Variants in RABGAP1L observed in about 807,000 individuals in gnomAD.
RABGAP1L encodes the protein RAB GTPase activating protein 1 like.
A neutral mutation model predicts 137.7 loss-of-function variants in RABGAP1L; 63 were observed. The ratio of observed to expected loss-of-function variants is 0.46; its 90% CI spans 0.37 to 0.56. The LOEUF (loss-of-function observed/expected upper bound fraction) is 0.56, where lower values mean the gene tolerates loss of function less well. Ranked by LOEUF, RABGAP1L falls within the 20% of genes least tolerant of loss-of-function variation. The probability of loss-of-function intolerance (pLI) is 0.00; values close to 1 mark genes in which losing one functional copy is unlikely to be tolerated. For synonymous variants in RABGAP1L, 431 were observed against 433.7 expected (o/e 0.99, Z 0.08); for missense variants, 1,095 against 1,244.0 (o/e 0.88, Z 1.80).
chr1:174,378,175 C>T (rs1281079312), intron 12 of RABGAP1L, among the ~76,000 whole-genome samples: 1 of 147,818 alleles, frequency 6.8e-6, no homozygotes, highest in African/African-American at 2.5e-5. Flanking sequence ...TTTCTTAATC[C>T]AGTCTATCAT....
At chr1:174,723,105 G>C (rs75221063) in intron 17 of RABGAP1L, among the ~76,000 whole-genome samples, 1 of 151,548 alleles carries the variant, frequency 6.6e-6, no homozygotes, top group African/African-American at 2.4e-5. Flanking sequence ...AGGAGTTTTC[G>C]CTCTTGTTGC....
At chr1:174,369,622 A>T (rs973359730) in intron 11 of RABGAP1L, among the ~76,000 whole-genome samples, 3 of 152,200 alleles carry the variant, frequency 2.0e-5, no homozygotes, top group Admixed American at 1.3e-4. Context: ...AGTTGTTTCT[A>T]TTTATATCAT....
chr1:174,434,260 C>T (rs1571785801), intron 13 of RABGAP1L, among the ~76,000 whole-genome samples: 2 of 152,096 alleles, frequency 1.3e-5, no homozygotes, highest in East Asian at 3.8e-4. Context: ...TGTATGGCTT[C>T]TTTCCTTTAG....
chr1:174,624,143 C>T (rs1672759178), intron 13 of RABGAP1L, among the ~76,000 whole-genome samples: 1 of 152,168 alleles, frequency 6.6e-6, no homozygotes, highest in Non-Finnish European at 1.5e-5. Context: ...ATCTACTGGG[C>T]ATGCCAAGTG....
intron 10 of RABGAP1L, among the ~76,000 whole-genome samples, chr1:174,302,386 ACAGAATTTGGATT>A (rs1677796823): frequency 1.3e-5 from 2 of 152,166 alleles, no homozygotes; most frequent in Non-Finnish European, 2.9e-5. Flanking sequence ...CTGGCTTGGG[ACAGAATTTGGATT>A]CAGAAAAGAG....
intron 13 of RABGAP1L, among the ~76,000 whole-genome samples, chr1:174,463,889 A>G (rs1657002812): frequency 6.6e-6 from 1 of 152,118 alleles, no homozygotes; most frequent in South Asian, 2.1e-4. Flanking sequence ...CTTATTTTAT[A>G]ACATCTAATT....
At chr1:174,534,775 C>CAAAAAAAAAAAAAAAAAAAAA (rs71117567) in intron 13 of RABGAP1L, among the ~76,000 whole-genome samples, 35 of 71,620 alleles carry the variant, frequency 4.9e-4, no homozygotes, top group South Asian at 6.1e-4. Context: ...ACTCTGTCTC[C>CAAAAAAAAAAAAAAAAAAAAA]AAAAAAAAAA....
chr1:174,618,169 C>A (rs892500519), intron 13 of RABGAP1L, among the ~76,000 whole-genome samples: 1 of 152,134 alleles, frequency 6.6e-6, no homozygotes, highest in Non-Finnish European at 1.5e-5. Flanking sequence ...TGGAGCCCAC[C>A]GCAGCTTAAG....
rs901408545 is a variant in RABGAP1L, at chr1:174,688,167, T to C, written c.1899+4571T>C. 7.2e-5 allele frequency among the ~76,000 whole-genome samples: 11 copies of C among 151,942 alleles called. 1 individual carries two copies. The highest frequency in any genetic ancestry group is 4.4e-5 in the Non-Finnish European group (3 of 67,906). ...ATAATAATTTCTAATTTCATAATCA[T>C]GATATTAGTCTTTATCTCTTAGTCT... On this transcript the variant is annotated intron_variant, in intron 15 of 25. Transcript: ENST00000681986.
At chr1:174,310,631 A>G (rs1301346372) in intron 11 of RABGAP1L, among the ~76,000 whole-genome samples, 1 of 152,204 alleles carries the variant, frequency 6.6e-6, no homozygotes, top group African/African-American at 2.4e-5. Context: ...TTGAGTGCAT[A>G]TATTTACAAT....
At chr1:174,549,760 T>C (rs113543052) in intron 13 of RABGAP1L, among the ~76,000 whole-genome samples, 5 of 152,228 alleles carry the variant, frequency 3.3e-5, no homozygotes, top group African/African-American at 1.2e-4. Context: ...TTGAGCACTA[T>C]ACCAGTCTGA....
chr1:174,973,195 C>T (rs1284527220), intron 21 of RABGAP1L, among the ~76,000 whole-genome samples: 4 of 152,144 alleles, frequency 2.6e-5, no homozygotes, highest in Non-Finnish European at 5.9e-5. Flanking sequence ...ACAACAATTG[C>T]TGCAGATGTT....
chr1:174,756,783 G>A, intron 18 of RABGAP1L: 1 of 467,614 alleles, frequency 2.1e-6, no homozygotes. Flanking sequence ...TTGAGGACAG[G>A]GGAGGAGTCC....
intron 18 of RABGAP1L, among the ~76,000 whole-genome samples, chr1:174,760,874 G>A (rs185655444): frequency 4.6e-5 from 7 of 152,254 alleles, no homozygotes; most frequent in African/African-American, 1.7e-4. Context: ...GCAGATTTTA[G>A]TCATTATTCA....
intron 13 of RABGAP1L, among the ~76,000 whole-genome samples, chr1:174,443,413 A>G (rs1309353238): frequency 6.6e-6 from 1 of 152,050 alleles, no homozygotes; most frequent in Admixed American, 6.6e-5. Flanking sequence ...TAATAGCCAT[A>G]TTAACTAGGT....
intron 13 of RABGAP1L, among the ~76,000 whole-genome samples, chr1:174,500,724 G>T (rs945169892): frequency 6.6e-6 from 1 of 152,098 alleles, no homozygotes; most frequent in Admixed American, 6.5e-5. Flanking sequence ...TTCTGATATA[G>T]ATATTATTAT....
At chr1:174,924,113 G>A (rs1327245479) in intron 19 of RABGAP1L, among the ~76,000 whole-genome samples, 1 of 152,024 alleles carries the variant, frequency 6.6e-6, no homozygotes, top group Admixed American at 6.6e-5. Context: ...TACTGACTGG[G>A]CACAGTGGCT....
At chr1:174,936,170 A>G (rs1054391317) in intron 19 of RABGAP1L, among the ~76,000 whole-genome samples, 2 of 152,242 alleles carry the variant, frequency 1.3e-5, no homozygotes, top group South Asian at 4.1e-4. Flanking sequence ...TTTACCAAGG[A>G]AAGAGCAGCT....
Position 174,814,974 on chromosome 1 carries a change from C to T in RABGAP1L, c.2340+3014C>T, listed in dbSNP as rs1203565231. 2.6e-5 allele frequency among the ~76,000 whole-genome samples: 4 copies of T among 152,070 alleles called. No homozygotes were observed. The East Asian group carries it at 7.8e-4, about 30-fold the overall frequency. On this transcript the variant is annotated intron_variant, in intron 19 of 25. Coordinates refer to ENST00000681986, the MANE Select transcript of RABGAP1L (RefSeq NM_001366446.1). The stretch of plus-strand genomic sequence containing the variant: ...AAGTGCTGGGATTACAGGTGTGAGC[C>T]ACCATTGCCCAACCTATTGTATTGT...
Sources: allele counts gnomAD v4.1 joint callset (sites outside exome capture counted in the v4.1 genomes callset), GRCh38; gene constraint gnomAD v4.1.1; transcripts MANE v1.5; gene names NCBI Gene and HGNC (gene_info 2026-07-23, HGNC 2026-07-21).